Variants in PCDHA7 observed in about 807,000 individuals in gnomAD.
The protein encoded by PCDHA7 is protocadherin alpha 7.
A neutral mutation model predicts 57.2 loss-of-function variants in PCDHA7; 37 were observed. The ratio of observed to expected loss-of-function variants is 0.65; its 90% CI spans 0.50 to 0.85. PCDHA7 has a LOEUF of 0.85. PCDHA7 is among the 40% of genes least tolerant of loss of function. The pLI is 0.00. For missense variants in PCDHA7, 1,188 were observed against 1,241.8 expected (o/e 0.96, Z 0.65); for synonymous variants, 553 against 558.8 (o/e 0.99, Z 0.15).
intron 1 of PCDHA7, among the ~76,000 whole-genome samples, chr5:140,844,255 T>C (rs1015870602): frequency 6.7e-6 from 1 of 149,734 alleles, no homozygotes; most frequent in Admixed American, 6.7e-5. Flanking sequence ...TTAAGCAGTG[T>C]AGTGATAAAA....
intron 1 of PCDHA7, chr5:140,877,781 T>C: frequency 6.2e-7 from 1 of 1,614,178 alleles, no homozygotes; most frequent in South Asian, 1.1e-5. Flanking sequence ...ACGGACCTCA[T>C]GGCCTTCAGC....
In PCDHA7 at chr5:140,834,653, C is replaced by G. The variant is rs2150223480; in HGVS notation, c.270C>G (p.Ile90Met). Reference protein sequence around the residue: ...QNGILFVNSRIDREELCGRSA... With the variant: ...QNGILFVNSRMDREELCGRSA... The stretch of plus-strand genomic sequence containing the variant: ...GCATTTTGTTTGTGAATTCTCGGAT[C>G]GACCGCGAGGAGCTGTGCGGGCGGA... The change falls in exon 1 of 4, where the codon ATC becomes ATG. Residue 90 changes from isoleucine to methionine, a missense_variant. This residue lies in a region of PCDHA7 where 194 missense variants were observed against 185.8 expected (regional missense o/e 1.04). Coordinates refer to ENST00000525929, the MANE Select transcript of PCDHA7 (RefSeq NM_018910.3). 2.5e-6 allele frequency: 4 copies of G among 1,614,190 alleles called. No homozygotes were observed. In the East Asian group the frequency reaches 6.7e-5, roughly 27 times the overall value.
At chr5:140,841,727 A>G (rs2150321736) in intron 1 of PCDHA7, 1 of 1,613,902 alleles carries the variant, frequency 6.2e-7, no homozygotes, top group Admixed American at 1.7e-5. Context: ...GTTCCGGGTA[A>G]AAGACCAAAA....
At chr5:140,991,472 C>G (rs1480480128) in intron 3 of PCDHA7, among the ~76,000 whole-genome samples, 1 of 152,172 alleles carries the variant, frequency 6.6e-6, no homozygotes, top group African/African-American at 2.4e-5. Context: ...TCTTACAGTT[C>G]TGGAAGTCAG....
chr5:140,843,129 A>G (rs2150353513), intron 1 of PCDHA7: 1 of 1,596,008 alleles, frequency 6.3e-7, no homozygotes, highest in Non-Finnish European at 8.6e-7. Context: ...GACTCGGGCT[A>G]CAACGCGTGG....
chr5:140,836,418 T>C lies in PCDHA7; in HGVS notation c.2035T>C (p.Ser679Pro). The change falls in exon 1 of 4, where the codon TCG becomes CCG. Residue 679 changes from serine (S) to proline (P), a missense_variant. Physicochemically the swap from Ser to Pro is moderately conservative, Grantham distance 74. Transcript: ENST00000525929. ...GGAAAGCGGCCAGGCACCAAAGGCG[T>C]CGTCGCGGGCATCGTTGGGCATTGC... ...LVESGQAPKA[S>P]SRASLGIAGP... 3 of 1,613,726 alleles carry C rather than the reference T, an allele frequency of 1.9e-6. No individual in the cohort carries two copies.
At chr5:140,992,430 C>T (rs1356224402) in intron 3 of PCDHA7, among the ~76,000 whole-genome samples, 1 of 152,042 alleles carries the variant, frequency 6.6e-6, no homozygotes, top group Non-Finnish European at 1.5e-5. Flanking sequence ...GAATATTGTT[C>T]CAAGAGTTGG....
intron 1 of PCDHA7, chr5:140,884,714 C>A: frequency 1.4e-6 from 2 of 1,471,312 alleles, no homozygotes; most frequent in Non-Finnish European, 9.0e-7. Context: ...GCCTTCCTTG[C>A]AGTTGTTTGT....
At position 140,857,332 on chromosome 5, in the gene PCDHA7, C is replaced by G. The variant is rs782461373; in HGVS notation, c.2355+20594C>G. The G allele has an allele frequency of 1.9e-6, 3 of 1,598,330 alleles. 1 individual carries two copies. The highest frequency in any genetic ancestry group is 2.6e-6 in the Non-Finnish European group (3 of 1,167,876). On this transcript the variant is annotated intron_variant, in intron 1 of 3. Transcript: ENST00000525929. Reference sequence around the variant, plus strand: ...ATGAGCTGGTGGTGACCGCGCGGGACGGGGGCTCGCCTCCGCTGTGGGCCA... The same window carrying G: ...ATGAGCTGGTGGTGACCGCGCGGGAGGGGGGCTCGCCTCCGCTGTGGGCCA...
At chr5:140,841,743 T>A (rs1554138513) in intron 1 of PCDHA7, 1 of 1,613,818 alleles carries the variant, frequency 6.2e-7, no homozygotes, top group Admixed American at 1.7e-5. Context: ...CAAAAGCTGT[T>A]TGTTTCAGAA....
chr5:140,869,504 C>G (rs959374162), intron 1 of PCDHA7: 1 of 1,614,200 alleles, frequency 6.2e-7, no homozygotes, highest in Admixed American at 1.7e-5. Context: ...CCGGTGTTCT[C>G]GCTCAGAGAA....
At chr5:140,967,354 C>T in intron 1 of PCDHA7, 1 of 1,607,952 alleles carries the variant, frequency 6.2e-7, no homozygotes, top group South Asian at 1.1e-5. Flanking sequence ...TCGAGCTGGA[C>T]CTTAAGCCCC....
intron 1 of PCDHA7, among the ~76,000 whole-genome samples, chr5:140,935,971 C>A (rs1563151362): frequency 6.7e-6 from 1 of 149,774 alleles, no homozygotes; most frequent in African/African-American, 2.5e-5. Context: ...TGGCTCACTG[C>A]AATCTCTGCC....
intron 1 of PCDHA7, among the ~76,000 whole-genome samples, chr5:140,885,621 T>G (rs528108703): frequency 1.3e-5 from 2 of 152,188 alleles, no homozygotes; most frequent in Non-Finnish European, 2.9e-5. Context: ...ATAAAATATG[T>G]CACTGGATTG....
rs2150257689 is a variant in PCDHA7 at position 140,836,321 on chromosome 5, C to G, written c.1938C>G (p.Arg646=). The stretch of plus-strand genomic sequence containing the variant: ...ATGAGACGGACGCACCGCGCCACCG[C>G]CTTCTGGTGCTTGTGAAGGACCACG... ...ALDETDAPRH[R]LLVLVKDHGE... Residue 646 remains arginine, a synonymous_variant, in exon 1 of 4, where the codon CGC becomes CGG. Transcript: ENST00000525929. 3 of 1,613,768 alleles carry G rather than the reference C, an allele frequency of 1.9e-6. No individual in the cohort carries two copies. The highest frequency in any genetic ancestry group is 2.5e-6 in the Non-Finnish European group (3 of 1,179,834).
Position 140,835,895 on chromosome 5 carries a change from G to T in PCDHA7, c.1512G>T (p.Leu504=). 1 of 1,612,076 alleles carries T rather than the reference G, an allele frequency of 6.2e-7. No individual in the cohort carries two copies. The highest frequency in any genetic ancestry group is 8.5e-7 in the Non-Finnish European group (1 of 1,179,648). The stretch of plus-strand genomic sequence containing the variant: ...AGCTGCGGGTGGGCGAGCGCGCGCT[G>T]TCGAGCTACGTGTCAGTGCACGCGG... The part of the protein sequence containing the change: ...LVELRVGERA[L]SSYVSVHAES... The change falls in exon 1 of 4, where the codon CTG becomes CTT. Residue 504 remains leucine, a synonymous_variant. Coordinates refer to ENST00000525929, the MANE Select transcript of PCDHA7 (RefSeq NM_018910.3).
At chr5:140,877,403 G>A (rs199806507) in intron 1 of PCDHA7, 243 of 1,613,770 alleles carry the variant, frequency 1.5e-4, no homozygotes, top group Non-Finnish European at 1.9e-4. Flanking sequence ...GACGCTCCGC[G>A]CCACCGCCTG....
chr5:140,884,721 T>C, intron 1 of PCDHA7: 1 of 1,464,684 alleles, frequency 6.8e-7, no homozygotes, highest in South Asian at 1.5e-5. Flanking sequence ...TTGCAGTTGT[T>C]TGTTTAAGAC....
At chr5:140,902,203 C>CT (rs148688132) in intron 1 of PCDHA7, among the ~76,000 whole-genome samples, 2,237 of 124,430 alleles carry the variant, frequency 0.018, 39 homozygotes, top group East Asian at 0.05. Context: ...CTCTCTCTTT[C>CT]TTTTTTTTTT....
Sources: gnomAD v4.1 joint callset for allele counts (sites outside exome capture counted in the v4.1 genomes callset) on GRCh38, gnomAD v4.1.1 for gene constraint, gnomAD v4.1.1 regional missense constraint, MANE v1.5 for transcripts, NCBI Gene and HGNC (gene_info 2026-07-23, HGNC 2026-07-21) for gene names.